Variants in ARMH4 observed in about 807,000 individuals in gnomAD.
ARMH4 encodes armadillo-like helical domain-containing protein 4.
Under a neutral mutation model 61.9 loss-of-function variants are expected in ARMH4, and 49 were observed. That is an observed-to-expected ratio of 0.79 (90% CI 0.63 to 1.00). ARMH4 has a LOEUF of 1.00. Among genes scored for constraint, ARMH4 ranks in the 50% least tolerant of loss-of-function variants. ARMH4 has a pLI of 0.00. For synonymous variants in ARMH4, 368 were observed against 341.5 expected (o/e 1.08, Z -0.85); for missense variants, 934 against 930.0 (o/e 1.00, Z -0.06).
chr14:58,084,318 C>A (rs576849531), intron 5 of ARMH4, among the ~76,000 whole-genome samples: 1 of 152,274 alleles, frequency 6.6e-6, no homozygotes, highest in South Asian at 2.1e-4. Flanking sequence ...ATTGCTGGAT[C>A]CTGAGCTGTT....
In ARMH4 at chr14:58,129,677, T is replaced by C. The variant is rs115934166; in HGVS notation, c.1831+1835A>G. Among the ~76,000 whole-genome samples, 752 of 152,314 alleles carry C rather than the reference T, an allele frequency of 4.9e-3. 9 individuals are homozygous for C. The highest frequency in any genetic ancestry group is 0.017 in the African/African-American group (698 of 41,562). The stretch of plus-strand genomic sequence containing the variant: ...TAGTAGGTTGATTTGTTTAAATCAG[T>C]GTAGTCAATTCAGCTTTTGGAGGAC... On this transcript the variant is annotated intron_variant, in intron 4 of 7. Coordinates refer to ENST00000267485, the MANE Select transcript of ARMH4 (RefSeq NM_001001872.4).
At chr14:58,150,028 G>C (rs938764983) in intron 1 of ARMH4, among the ~76,000 whole-genome samples, 1 of 152,064 alleles carries the variant, frequency 6.6e-6, no homozygotes, top group South Asian at 2.1e-4. Flanking sequence ...ACCTGAGAGG[G>C]TTCTGCTGTC....
At chr14:58,048,980 G>A (rs1441839976) in intron 5 of ARMH4, among the ~76,000 whole-genome samples, 2 of 152,164 alleles carry the variant, frequency 1.3e-5, no homozygotes, top group Non-Finnish European at 2.9e-5. Flanking sequence ...GCTCATGCCT[G>A]TAATCCCAGC....
In ARMH4 at chr14:58,139,151, C is replaced by T; in HGVS notation, c.208G>A (p.Val70Ile). The stretch of plus-strand genomic sequence containing the variant: ...GACATCATCATTGGATCTTCAGAGA[C>T]CACCAGTTGGGGAGTCTGCTTTGAG... Reference protein sequence around the residue: ...VTSKQTPQLVVSEDPMMMSAV... With the variant: ...VTSKQTPQLVISEDPMMMSAV... Residue 70 changes from valine (V) to isoleucine (I), a missense_variant, in exon 2 of 8, where the codon GTC becomes ATC. By Grantham distance (29) the Val-to-Ile change is conservative. Coordinates refer to ENST00000267485, the MANE Select transcript of ARMH4 (RefSeq NM_001001872.4). 1 of 1,614,210 alleles carries T rather than the reference C, an allele frequency of 6.2e-7. No individual in the cohort carries two copies.
chr14:58,098,238 A>T (rs970228314), intron 4 of ARMH4, among the ~76,000 whole-genome samples: 3 of 151,426 alleles, frequency 2.0e-5, no homozygotes, highest in Admixed American at 2.0e-4. Context: ...TTTAACTTTT[A>T]AAAAAAATCA....
At chr14:58,042,249 C>A (rs942866281) in intron 5 of ARMH4, among the ~76,000 whole-genome samples, 1 of 152,216 alleles carries the variant, frequency 6.6e-6, no homozygotes, top group Non-Finnish European at 1.5e-5. Flanking sequence ...AACAAACTGT[C>A]TCTCAGACCA....
intron 5 of ARMH4, among the ~76,000 whole-genome samples, chr14:58,019,677 G>C (rs1211382699): frequency 6.6e-6 from 1 of 152,100 alleles, no homozygotes; most frequent in Non-Finnish European, 1.5e-5. Flanking sequence ...TGTAGTCCCA[G>C]CTACTCAGGA....
chr14:58,096,209 G>A (rs1275674650), intron 5 of ARMH4, among the ~76,000 whole-genome samples: 5 of 152,130 alleles, frequency 3.3e-5, no homozygotes, highest in Non-Finnish European at 5.9e-5. Context: ...AAAAATCATG[G>A]GACTGCCCAA....
intron 5 of ARMH4, among the ~76,000 whole-genome samples, chr14:58,024,538 C>T (rs1283572185): frequency 6.6e-6 from 1 of 152,172 alleles, no homozygotes; most frequent in Non-Finnish European, 1.5e-5. Flanking sequence ...TTGTTTCTAT[C>T]TCTTATCATT....
chr14:58,042,545 G>A (rs1288885811), intron 5 of ARMH4, among the ~76,000 whole-genome samples: 4 of 151,846 alleles, frequency 2.6e-5, no homozygotes, highest in East Asian at 1.9e-4. Context: ...AAGAACTAGA[G>A]AAGCAAGAGC....
rs1049916564 is a variant in ARMH4 at position 58,003,612 on chromosome 14, A to C, written c.*1124T>G. On this transcript the variant is annotated 3_prime_UTR_variant, in exon 8 of 8. Coordinates refer to ENST00000267485, the MANE Select transcript of ARMH4 (RefSeq NM_001001872.4). ...CCTATTTTGTATAGGGCAGGGAATT[A>C]CATTCCAAGGGAGATGAGAAATGAT... 6.6e-6 allele frequency: 1 copy of C among 152,274 alleles called. No homozygotes were observed. The highest frequency in any genetic ancestry group is 2.4e-5 in the African/African-American group (1 of 41,464). 9.4% of individuals were successfully genotyped at this position (152,274 alleles called of 1,614,324 possible).
At chr14:58,064,827 G>A (rs1390097842) in intron 5 of ARMH4, among the ~76,000 whole-genome samples, 3 of 152,164 alleles carry the variant, frequency 2.0e-5, no homozygotes, top group Non-Finnish European at 4.4e-5. Flanking sequence ...GTCAGCCAGA[G>A]TACAATTCAC....
intron 5 of ARMH4, among the ~76,000 whole-genome samples, chr14:58,059,786 T>C (rs1884469209): frequency 6.6e-6 from 1 of 152,192 alleles, no homozygotes; most frequent in Non-Finnish European, 1.5e-5. Flanking sequence ...TTTTACACTC[T>C]TGTTCATTTT....
intron 1 of ARMH4, among the ~76,000 whole-genome samples, chr14:58,150,007 T>C (rs1334660121): frequency 6.6e-6 from 1 of 152,092 alleles, no homozygotes; most frequent in Non-Finnish European, 1.5e-5. Flanking sequence ...CTTTATCATG[T>C]AGACAATGTG....
At chr14:58,035,805 A>C (rs1194130459) in intron 5 of ARMH4, among the ~76,000 whole-genome samples, 3 of 137,014 alleles carry the variant, frequency 2.2e-5, no homozygotes, top group Non-Finnish European at 3.2e-5. Context: ...TCTAGAAGAA[A>C]TGGATAAATT....
At chr14:58,098,097 TCTC>T (rs1333515820) in intron 4 of ARMH4, among the ~76,000 whole-genome samples, 2 of 152,002 alleles carry the variant, frequency 1.3e-5, no homozygotes, top group Non-Finnish European at 2.9e-5. Flanking sequence ...AACAGGTAAT[TCTC>T]CTCCTATGGT....
At chr14:58,031,785 A>G (rs1883241257) in intron 5 of ARMH4, among the ~76,000 whole-genome samples, 1 of 152,210 alleles carries the variant, frequency 6.6e-6, no homozygotes, top group Non-Finnish European at 1.5e-5. Context: ...AGTAACTTGA[A>G]AAGTTCTCTC....
chr14:58,065,784 G>A (rs533019376), intron 5 of ARMH4, among the ~76,000 whole-genome samples: 3 of 152,366 alleles, frequency 2.0e-5, no homozygotes, highest in African/African-American at 7.2e-5. Context: ...AGATTGCAAT[G>A]TCTGCCTTGC....
intron 5 of ARMH4, among the ~76,000 whole-genome samples, chr14:58,088,791 G>T (rs919932017): frequency 7.9e-5 from 12 of 151,924 alleles, no homozygotes; most frequent in African/African-American, 2.9e-4. Context: ...AAAGCTGAGG[G>T]TTTTTTTTAA....
Sources: allele counts gnomAD v4.1 joint callset (sites outside exome capture counted in the v4.1 genomes callset), GRCh38; gene constraint gnomAD v4.1.1; transcripts MANE v1.5; gene names NCBI Gene and HGNC (gene_info 2026-07-23, HGNC 2026-07-21).